The following RIGI variants were observed in gnomAD, a reference collection of about 807,000 sequenced individuals.
RIGI encodes RNA sensor RIG-I.
the RIGI span, among the ~76,000 whole-genome samples, chr9:32,516,868 T>C: frequency 1.3e-5 from 2 of 152,158 alleles, no homozygotes; most frequent in East Asian, 1.9e-4. Context: ...TAAAGCCCGA[T>C]TGAGAGAGAA....
At chr9:32,523,284 T>C in the RIGI span, among the ~76,000 whole-genome samples, 1 of 152,172 alleles carries the variant, frequency 6.6e-6, no homozygotes, top group African/African-American at 2.4e-5. Context: ...CCCACTCTCA[T>C]TGTTTCAGCA....
chr9:32,492,401 A>C, the RIGI span: 2 of 1,613,992 alleles, frequency 1.2e-6, no homozygotes, highest in African/African-American at 2.7e-5. Context: ...CTTTCTCTAC[A>C]ATCCACAGTT....
At chr9:32,495,911 C>G in the RIGI span, among the ~76,000 whole-genome samples, 2 of 152,160 alleles carry the variant, frequency 1.3e-5, no homozygotes. Flanking sequence ...CCTGCCTCAG[C>G]CTCCCAAAGT....
chr9:32,526,171 G>C, the RIGI span: 2 of 1,609,528 alleles, frequency 1.2e-6, no homozygotes, highest in Admixed American at 1.7e-5. Context: ...GGTCATGCCG[G>C]CCTCTGCTTG....
At chr9:32,506,146 A>C in the RIGI span, among the ~76,000 whole-genome samples, 1 of 152,202 alleles carries the variant, frequency 6.6e-6, no homozygotes, top group African/African-American at 2.4e-5. Context: ...TAAACCTGGG[A>C]GGTGGAGATT....
chr9:32,498,246 A>G, the RIGI span: 1 of 456,178 alleles, frequency 2.2e-6, no homozygotes, highest in Non-Finnish European at 4.4e-6. Context: ...CAAAAACTCC[A>G]CCCTTGGATC....
At chr9:32,501,578 C>T in the RIGI span, among the ~76,000 whole-genome samples, 2 of 152,134 alleles carry the variant, frequency 1.3e-5, no homozygotes, top group African/African-American at 4.8e-5. Context: ...AAATTATCTA[C>T]CAACCTGCTG....
chr9:32,488,207 G>A, the RIGI span: 5 of 1,611,860 alleles, frequency 3.1e-6, no homozygotes, highest in Non-Finnish European at 3.4e-6. Context: ...TCTATACCTG[G>A]GAAATGACAG....
At chr9:32,457,423 A>C in the RIGI span, 2 of 1,610,952 alleles carry the variant, frequency 1.2e-6, no homozygotes, top group Non-Finnish European at 1.7e-6. Flanking sequence ...GCATTCCTAC[A>C]GATGAAGGGA....
the RIGI span, among the ~76,000 whole-genome samples, chr9:32,482,032 T>C: frequency 2.0e-5 from 3 of 152,296 alleles, no homozygotes; most frequent in East Asian, 3.9e-4. Flanking sequence ...TAGAAACTCA[T>C]GTGACTCCAT....
At chr9:32,458,787 C>T in the RIGI span, among the ~76,000 whole-genome samples, 4 of 151,948 alleles carry the variant, frequency 2.6e-5, no homozygotes, top group Non-Finnish European at 4.4e-5. Flanking sequence ...AACATCAGTA[C>T]ATTACTATTA....
At chr9:32,479,276 T>TA in the RIGI span, among the ~76,000 whole-genome samples, 2 of 152,306 alleles carry the variant, frequency 1.3e-5, no homozygotes, top group South Asian at 4.1e-4. Context: ...TCTATATCAA[T>TA]AAAATAATAA....
At chr9:32,499,642 G>C in the RIGI span, among the ~76,000 whole-genome samples, 1 of 151,996 alleles carries the variant, frequency 6.6e-6, no homozygotes, top group African/African-American at 2.4e-5. Flanking sequence ...TTTTAGTAAA[G>C]ACAGGGTTTT....
At chr9:32,515,713 C>T in the RIGI span, among the ~76,000 whole-genome samples, 1 of 152,180 alleles carries the variant, frequency 6.6e-6, no homozygotes, top group Non-Finnish European at 1.5e-5. Context: ...ATACCTTTAC[C>T]TTCATCCCTA....
At chr9:32,524,429 A>C in the RIGI span, among the ~76,000 whole-genome samples, 1 of 152,150 alleles carries the variant, frequency 6.6e-6, no homozygotes, top group African/African-American at 2.4e-5. Context: ...TGGTCACTAG[A>C]ATGCCATTCC....
chr9:32,501,346 A>AATT, the RIGI span, among the ~76,000 whole-genome samples: 1 of 76,132 alleles, frequency 1.3e-5, no homozygotes. Context: ...AAAAAAAAAA[A>AATT]TTTTTTTAAT....
At chr9:32,483,173 C>G in the RIGI span, among the ~76,000 whole-genome samples, 2 of 152,090 alleles carry the variant, frequency 1.3e-5, no homozygotes, top group African/African-American at 2.4e-5. Flanking sequence ...CAGGGCTCCT[C>G]ATGAAGAGCA....
chr9:32,509,139 G>C, the RIGI span, among the ~76,000 whole-genome samples: 1 of 152,160 alleles, frequency 6.6e-6, no homozygotes, highest in South Asian at 2.1e-4. Flanking sequence ...CCCTGGGAGA[G>C]GGCACCTGGG....
At chr9:32,459,275 T>C in the RIGI span, 2 of 1,389,344 alleles carry the variant, frequency 1.4e-6, no homozygotes, top group Admixed American at 2.2e-5. Context: ...ACAGTAACAA[T>C]GGAAATAATA....
Sources: allele counts gnomAD v4.1 joint callset (sites outside exome capture counted in the v4.1 genomes callset), GRCh38; gene constraint gnomAD v4.1.1; transcripts MANE v1.5; gene names NCBI Gene and HGNC (gene_info 2026-07-23, HGNC 2026-07-21).